Variants in TAFA1 observed in about 807,000 individuals in gnomAD.
TAFA1 encodes the protein chemokine-like protein TAFA-1.
Under a neutral mutation model 18.5 loss-of-function variants are expected in TAFA1, and 4 were observed. The observed-to-expected ratio is 0.22, with a 90% CI of 0.11 to 0.49. The LOEUF (loss-of-function observed/expected upper bound fraction) is 0.49, where lower values mean the gene tolerates loss of function less well. TAFA1 is among the 20% of genes least tolerant of loss of function. The pLI, the probability that TAFA1 is intolerant of heterozygous loss-of-function variation, is 0.98. For synonymous variants in TAFA1, 56 were observed against 55.2 expected (o/e 1.01, Z -0.06); for missense variants, 147 against 169.0 (o/e 0.87, Z 0.72).
At chr3:68,007,783 C>G (rs1365512013) in intron 2 of TAFA1, among the ~76,000 whole-genome samples, 3 of 152,192 alleles carry the variant, frequency 2.0e-5, no homozygotes, top group African/African-American at 7.2e-5. Flanking sequence ...GCTGCGTAGT[C>G]CAGCGTCTAC....
At chr3:68,442,122 C>A (rs568843033) in intron 3 of TAFA1, among the ~76,000 whole-genome samples, 4 of 152,244 alleles carry the variant, frequency 2.6e-5, no homozygotes, top group African/African-American at 9.6e-5. Flanking sequence ...ATCACCACCA[C>A]CCCACTCCTT....
chr3:68,292,653 A>G (rs952336902), intron 2 of TAFA1, among the ~76,000 whole-genome samples: 3 of 152,070 alleles, frequency 2.0e-5, no homozygotes, highest in African/African-American at 4.8e-5. Flanking sequence ...CAACCTTCCA[A>G]GTAGGTGGGA....
intron 3 of TAFA1, among the ~76,000 whole-genome samples, chr3:68,533,017 T>A (rs2073212845): frequency 6.6e-6 from 1 of 151,696 alleles, no homozygotes; most frequent in East Asian, 1.9e-4. Flanking sequence ...GGCCTGCACT[T>A]TTTCCAAAGA....
intron 2 of TAFA1, among the ~76,000 whole-genome samples, chr3:68,174,130 A>G (rs1575660858): frequency 6.6e-6 from 1 of 152,256 alleles, no homozygotes; most frequent in African/African-American, 2.4e-5. Context: ...TCTGAATTTT[A>G]ACTGGATTGT....
intron 2 of TAFA1, among the ~76,000 whole-genome samples, chr3:68,242,680 A>G (rs1257547064): frequency 6.6e-6 from 1 of 152,132 alleles, no homozygotes; most frequent in Non-Finnish European, 1.5e-5. Flanking sequence ...TGTCCTACTT[A>G]AGTGTTATTG....
chr3:68,250,963 C>T (rs2067184542), intron 2 of TAFA1: 1 of 152,010 alleles, frequency 6.6e-6, no homozygotes, highest in South Asian at 2.1e-4. Context: ...ATAGAAATGG[C>T]ATTTGCTTTC....
chr3:68,145,341 C>T (rs2065725666), intron 2 of TAFA1: 1 of 798,816 alleles, frequency 1.3e-6, no homozygotes, highest in Non-Finnish European at 2.3e-6. Context: ...AGAGATGCAA[C>T]AAGGAGACGC....
intron 2 of TAFA1, among the ~76,000 whole-genome samples, chr3:68,317,217 T>C (rs2068618472): frequency 6.6e-6 from 1 of 152,214 alleles, no homozygotes; most frequent in African/African-American, 2.4e-5. Context: ...TTATAGGTCC[T>C]GCCTTTCCGA....
intron 2 of TAFA1, among the ~76,000 whole-genome samples, chr3:68,277,335 C>A (rs1330949155): frequency 6.6e-6 from 1 of 152,064 alleles, no homozygotes; most frequent in Non-Finnish European, 1.5e-5. Context: ...TCAACCAGGG[C>A]TGATGCTCTG....
chr3:68,241,995 A>G (rs545149718), intron 2 of TAFA1, among the ~76,000 whole-genome samples: 1 of 152,118 alleles, frequency 6.6e-6, no homozygotes, highest in African/African-American at 2.4e-5. Context: ...TGTCATGTTA[A>G]TTTTGTTTTG....
chr3:68,008,174 G>A (rs995203319), intron 2 of TAFA1, among the ~76,000 whole-genome samples: 6 of 152,230 alleles, frequency 3.9e-5, no homozygotes, highest in Non-Finnish European at 8.8e-5. Context: ...GCCCTCTTCA[G>A]GACGCGCTTG....
intron 3 of TAFA1, among the ~76,000 whole-genome samples, chr3:68,432,050 A>G (rs1002088991): frequency 2.0e-5 from 3 of 151,928 alleles, no homozygotes; most frequent in African/African-American, 7.2e-5. Flanking sequence ...GTCAGGGGTT[A>G]ATATTATTAT....
At chr3:68,019,184 A>T (rs1008600537) in intron 2 of TAFA1, among the ~76,000 whole-genome samples, 2 of 152,216 alleles carry the variant, frequency 1.3e-5, no homozygotes, top group African/African-American at 4.8e-5. Flanking sequence ...TTGGGCAGTT[A>T]GCTTGTTGTA....
intron 2 of TAFA1, among the ~76,000 whole-genome samples, chr3:68,103,263 G>A (rs1419614130): frequency 1.3e-5 from 2 of 152,220 alleles, no homozygotes; most frequent in Non-Finnish European, 2.9e-5. Flanking sequence ...CACCTTTTAG[G>A]AGAAAGTGCA....
chr3:68,453,035 T>G (rs1287179213), intron 3 of TAFA1, among the ~76,000 whole-genome samples: 1 of 152,190 alleles, frequency 6.6e-6, no homozygotes, highest in Non-Finnish European at 1.5e-5. Flanking sequence ...GCTAGATACT[T>G]GGGGCTTTTT....
intron 2 of TAFA1, among the ~76,000 whole-genome samples, chr3:68,327,619 A>G (rs946141546): frequency 1.3e-5 from 2 of 152,190 alleles, no homozygotes; most frequent in African/African-American, 4.8e-5. Flanking sequence ...AGAAGATTAG[A>G]TGGGTCAATT....
At position 68,417,328 on chromosome 3, in the gene TAFA1, A is replaced by G; in HGVS notation, c.167A>G (p.Asn56Ser). 6.2e-7 allele frequency: 1 copy of G among 1,613,622 alleles called. No homozygotes were observed. Among genetic ancestry groups the G allele is most frequent in the Non-Finnish European group, 8.5e-7 (1 of 1,179,682 alleles). The change falls in exon 3 of 5, where the codon AAT becomes AGT. Residue 56 changes from asparagine to serine, a missense_variant. Asn to Ser is a conservative substitution (Grantham distance 46). Coordinates refer to ENST00000478136, the MANE Select transcript of TAFA1 (RefSeq NM_213609.4). Reference sequence around the variant, plus strand: ...GCAGCACACCGATGTTGTAACAAGAATCGCATTGAGGAGCGGTCACAAACA... The same window carrying G: ...GCAGCACACCGATGTTGTAACAAGAGTCGCATTGAGGAGCGGTCACAAACA... ...VIAAHRCCNKNRIEERSQTVK... is the reference protein window; with the variant it reads ...VIAAHRCCNKSRIEERSQTVK...
At chr3:68,300,124 C>A (rs2068277139) in intron 2 of TAFA1, among the ~76,000 whole-genome samples, 1 of 152,202 alleles carries the variant, frequency 6.6e-6, no homozygotes, top group African/African-American at 2.4e-5. Flanking sequence ...TGATAGCTTA[C>A]ACCATGCACC....
chr3:68,030,029 G>A lies in TAFA1; in HGVS notation c.118+23285G>A, dbSNP rs187729825. Among the ~76,000 whole-genome samples, 332 of 152,254 alleles carry A rather than the reference G, an allele frequency of 2.2e-3. 1 individual carries two copies. Among genetic ancestry groups the A allele is most frequent in the Non-Finnish European group, 3.5e-3 (235 of 68,012 alleles). Reference sequence around the variant, plus strand: ...AACCTGATGTTCAACCTTCTGTCAAGTGTAAGCTGAATTCCCATCTAAATA... The same window carrying A: ...AACCTGATGTTCAACCTTCTGTCAAATGTAAGCTGAATTCCCATCTAAATA... On this transcript the variant is annotated intron_variant, in intron 2 of 4. Coordinates refer to ENST00000478136, the MANE Select transcript of TAFA1 (RefSeq NM_213609.4).
Sources: gnomAD v4.1 joint callset for allele counts (sites outside exome capture counted in the v4.1 genomes callset) on GRCh38, gnomAD v4.1.1 for gene constraint, MANE v1.5 for transcripts, NCBI Gene and HGNC (gene_info 2026-07-23, HGNC 2026-07-21) for gene names.